The following ANKS1B variants were observed in gnomAD, a reference collection of about 807,000 sequenced individuals.
The protein encoded by ANKS1B is ankyrin repeat and sterile alpha motif domain containing 1B, also known as ankyrin repeat and sterile alpha motif domain-containing protein 1B.
In ANKS1B, 36 loss-of-function variants were observed where a neutral mutation model predicts 148.3. That is an observed-to-expected ratio of 0.24 (90% CI 0.19 to 0.32). The LOEUF (loss-of-function observed/expected upper bound fraction) is 0.32. Among genes scored for constraint, ANKS1B ranks in the 10% least tolerant of loss-of-function variants. The probability of loss-of-function intolerance (pLI) is 1.00; values close to 1 mark genes in which losing one functional copy is unlikely to be tolerated. For synonymous variants in ANKS1B, 542 were observed against 560.8 expected (o/e 0.97, Z 0.47); for missense variants, 1,157 against 1,542.6 (o/e 0.75, Z 4.19).
In ANKS1B at chr12:99,844,119, A is replaced by G. The variant is rs1416228700; in HGVS notation, c.135-18730T>C. Among the ~76,000 whole-genome samples the G allele has an allele frequency of 2.0e-5, 3 of 152,022 alleles. No homozygotes were observed. The East Asian group carries it at 5.8e-4, about 29-fold the overall frequency. ...TGTTTTTTTCTTGTAAATTTGTTTTAAGTTCCTTTTAGATGCTGGATATTA... is the reference window on the plus strand; with the variant it reads ...TGTTTTTTTCTTGTAAATTTGTTTTGAGTTCCTTTTAGATGCTGGATATTA... On this transcript the variant is annotated intron_variant, in intron 1 of 26. Transcript: ENST00000683438.
At chr12:98,735,453 T>C (rs1056653207) in exon 10 of ANKS1B, 1 of 466,892 alleles carries the variant, frequency 2.1e-6, no homozygotes, top group African/African-American at 2.0e-5. Context: ...TGTTTCATTC[T>C]TTGCTTGTCA....
intron 15 of ANKS1B, among the ~76,000 whole-genome samples, chr12:99,119,124 G>A (rs1325316418): frequency 1.3e-5 from 2 of 152,042 alleles, no homozygotes; most frequent in Non-Finnish European, 2.9e-5. Context: ...CCTGAGATGG[G>A]GAGATTACCA....
At chr12:99,576,394 C>T (rs544312248) in intron 9 of ANKS1B, among the ~76,000 whole-genome samples, 2 of 152,126 alleles carry the variant, frequency 1.3e-5, no homozygotes, top group East Asian at 3.9e-4. Context: ...ACCTAACAGA[C>T]ATCTCTAGAA....
At chr12:98,884,866 C>T (rs531332273) in intron 17 of ANKS1B, among the ~76,000 whole-genome samples, 1 of 151,052 alleles carries the variant, frequency 6.6e-6, no homozygotes, top group Admixed American at 6.6e-5. Flanking sequence ...GTGTATCTAG[C>T]ATCCTGATCT....
intron 8 of ANKS1B, among the ~76,000 whole-genome samples, chr12:99,667,160 A>C (rs1226416651): frequency 6.6e-6 from 1 of 152,058 alleles, no homozygotes; most frequent in Non-Finnish European, 1.5e-5. Flanking sequence ...AGCCTGGCCA[A>C]CATGATGAAA....
rs563149588 is a variant in ANKS1B at position 99,036,022 on chromosome 12, G to A, written c.2778+17135C>T. On this transcript the variant is annotated intron_variant, in intron 17 of 26. Transcript: ENST00000683438. ...CATCCTCCCAGCTGCAATGACTGCC[G>A]AGTTGGCTTTGCTTTGAGTATTCCA... Among the ~76,000 whole-genome samples the A allele has an allele frequency of 4.6e-5, 7 of 152,274 alleles. No homozygotes were observed. The South Asian group carries it at 6.2e-4, about 14-fold the overall frequency.
intron 17 of ANKS1B, among the ~76,000 whole-genome samples, chr12:98,855,325 T>C (rs1416265994): frequency 6.6e-6 from 1 of 152,222 alleles, no homozygotes; most frequent in Non-Finnish European, 1.5e-5. Flanking sequence ...AAGGAGGCAG[T>C]GGCCATATTT....
At chr12:98,783,154 A>C (rs1057482308) in intron 22 of ANKS1B, among the ~76,000 whole-genome samples, 3 of 152,268 alleles carry the variant, frequency 2.0e-5, no homozygotes, top group African/African-American at 7.2e-5. Context: ...AGCAATATAC[A>C]GCTAATATTC....
intron 14 of ANKS1B, among the ~76,000 whole-genome samples, chr12:99,188,141 C>CAAAAAAATGCA (rs2080130404): frequency 6.6e-6 from 1 of 152,136 alleles, no homozygotes; most frequent in Non-Finnish European, 1.5e-5. Flanking sequence ...ACAAAAAGAG[C>CAAAAAAATGCA]TAACTATTCT....
chr12:99,861,546 A>C (rs1010155233), intron 1 of ANKS1B, among the ~76,000 whole-genome samples: 1 of 152,154 alleles, frequency 6.6e-6, no homozygotes, highest in Non-Finnish European at 1.5e-5. Context: ...AATTGTCTTC[A>C]TGGTTATATT....
At chr12:99,414,100 T>C (rs993556224) in intron 11 of ANKS1B, among the ~76,000 whole-genome samples, 2 of 151,836 alleles carry the variant, frequency 1.3e-5, no homozygotes, top group Admixed American at 1.3e-4. Context: ...TACTCCACCA[T>C]CAATCAGAGC....
At chr12:99,852,466 A>G (rs2088060914) in intron 1 of ANKS1B, among the ~76,000 whole-genome samples, 2 of 152,222 alleles carry the variant, frequency 1.3e-5, no homozygotes, top group Admixed American at 6.5e-5. Context: ...TTACTATGCT[A>G]GGCACTGGGG....
intron 4 of ANKS1B, among the ~76,000 whole-genome samples, chr12:99,793,080 A>C (rs1310670965): frequency 6.6e-6 from 1 of 151,864 alleles, no homozygotes; most frequent in Non-Finnish European, 1.5e-5. Context: ...AAAATTTTAA[A>C]AATCCCATTT....
intron 16 of ANKS1B, among the ~76,000 whole-genome samples, chr12:99,075,802 A>C (rs2047648838): frequency 6.8e-6 from 1 of 146,392 alleles, no homozygotes; most frequent in East Asian, 2.0e-4. Context: ...TAACATATAT[A>C]ATATACAACA....
intron 17 of ANKS1B, among the ~76,000 whole-genome samples, chr12:98,874,475 A>C (rs1017089437): frequency 6.6e-6 from 1 of 152,186 alleles, no homozygotes; most frequent in Admixed American, 6.5e-5. Context: ...ACATGAACTG[A>C]GGAGATAATA....
chr12:99,473,376 C>T (rs528427476), intron 10 of ANKS1B, among the ~76,000 whole-genome samples: 85 of 151,670 alleles, frequency 5.6e-4, no homozygotes, highest in African/African-American at 1.5e-3. Flanking sequence ...TTTGTTTTTT[C>T]GTAATTTTTC....
chr12:99,053,108 C>G (rs1479652838), intron 17 of ANKS1B, 49 bp downstream of exon 17: 2 of 1,462,134 alleles, frequency 1.4e-6, no homozygotes, highest in Non-Finnish European at 1.8e-6. Flanking sequence ...AATTAAATTT[C>G]ATTTATCAAG....
At chr12:99,088,868 G>A (rs1160149811) in intron 15 of ANKS1B, among the ~76,000 whole-genome samples, 3 of 69,438 alleles carry the variant, frequency 4.3e-5, no homozygotes, top group Non-Finnish European at 5.0e-5. Flanking sequence ...TTTTTGAGAT[G>A]GAGTTTCACT....
At chr12:98,995,135 T>A (rs190817938) in intron 17 of ANKS1B, among the ~76,000 whole-genome samples, 1 of 152,238 alleles carries the variant, frequency 6.6e-6, no homozygotes, top group East Asian at 1.9e-4. Context: ...TTATCTAATA[T>A]TTTTAATAAT....
Sources: allele counts gnomAD v4.1 joint callset (sites outside exome capture counted in the v4.1 genomes callset), GRCh38; gene constraint gnomAD v4.1.1; transcripts MANE v1.5; gene names NCBI Gene and HGNC (gene_info 2026-07-23, HGNC 2026-07-21).